Variants in PTPRD observed in about 807,000 individuals in gnomAD.
PTPRD encodes receptor-type tyrosine-protein phosphatase delta.
In PTPRD, 34 loss-of-function variants were observed where a neutral mutation model predicts 214.5. The observed-to-expected ratio is 0.16, with a 90% CI of 0.12 to 0.21. The LOEUF is 0.21. Among genes scored for constraint, PTPRD ranks in the 10% least tolerant of loss-of-function variants. The pLI is 1.00. For synonymous variants in PTPRD, 1,128 were observed against 845.7 expected (o/e 1.33, Z -5.79); for missense variants, 2,545 against 2,398.7 (o/e 1.06, Z -1.27).
chr9:9,745,769 T>A lies in PTPRD; in HGVS notation c.-325-11198A>T, dbSNP rs79924261. On this transcript the variant is annotated intron_variant, in intron 6 of 45. Transcript: ENST00000381196. ...CTGTACTCTAGCTACACAGGACATA[T>A]TTCAGTTTCTAAAGTGTGTTCCCTG... Among the ~76,000 whole-genome samples, 61 of 152,218 alleles carry A rather than the reference T, an allele frequency of 4.0e-4. No homozygotes were observed. In the East Asian group the frequency reaches 0.011, roughly 27 times the overall value.
At chr9:10,594,297 C>A (rs2076157904) in intron 2 of PTPRD, among the ~76,000 whole-genome samples, 1 of 151,880 alleles carries the variant, frequency 6.6e-6, no homozygotes, top group Admixed American at 6.6e-5. Flanking sequence ...TAAAACTGAA[C>A]TGTATAATGT....
intron 2 of PTPRD, among the ~76,000 whole-genome samples, chr9:10,426,356 G>A (rs552404025): frequency 1.8e-4 from 27 of 151,212 alleles, no homozygotes; most frequent in African/African-American, 5.1e-4. Context: ...TTTTTCTATC[G>A]GTTACTTTGC....
chr9:10,507,258 T>C (rs2046317008), intron 2 of PTPRD, among the ~76,000 whole-genome samples: 2 of 152,148 alleles, frequency 1.3e-5, no homozygotes, highest in South Asian at 4.2e-4. Context: ...AAGGACCTCT[T>C]CAATGATAAC....
At chr9:9,203,936 T>C (rs1212174220) in intron 9 of PTPRD, among the ~76,000 whole-genome samples, 1 of 152,176 alleles carries the variant, frequency 6.6e-6, no homozygotes, top group Non-Finnish European at 1.5e-5. Context: ...CTTTTTCTGC[T>C]CACTGTACTC....
At chr9:9,326,714 C>G (rs900210613) in intron 9 of PTPRD, among the ~76,000 whole-genome samples, 1 of 150,868 alleles carries the variant, frequency 6.6e-6, no homozygotes, top group Non-Finnish European at 1.5e-5. Flanking sequence ...AAATAAATGT[C>G]AGGGATTGAA....
intron 2 of PTPRD, among the ~76,000 whole-genome samples, chr9:10,402,314 T>C (rs1008639678): frequency 4.6e-5 from 7 of 151,728 alleles, no homozygotes; most frequent in Non-Finnish European, 8.9e-5. Flanking sequence ...TTCTATGAAC[T>C]CTCTGGGATT....
intron 3 of PTPRD, among the ~76,000 whole-genome samples, chr9:10,303,871 C>G (rs528263828): frequency 6.6e-6 from 1 of 152,140 alleles, no homozygotes; most frequent in East Asian, 1.9e-4. Context: ...TGAAACTATT[C>G]CAAGCAACAA....
intron 9 of PTPRD, among the ~76,000 whole-genome samples, chr9:9,328,022 C>A (rs2040713118): frequency 6.6e-6 from 1 of 151,972 alleles, no homozygotes; most frequent in Non-Finnish European, 1.5e-5. Context: ...ATGGACTGGA[C>A]AAGCTTGATG....
chr9:8,663,335 A>C (rs780073813), intron 12 of PTPRD, among the ~76,000 whole-genome samples: 1 of 151,024 alleles, frequency 6.6e-6, no homozygotes, highest in African/African-American at 2.4e-5. Context: ...ACAAGGAAAA[A>C]GCTACTATTA....
rs186183210 is a variant in PTPRD, at chr9:8,758,654, T to G, written c.-103-24708A>C. Among the ~76,000 whole-genome samples the G allele has an allele frequency of 2.6e-3, 389 of 152,298 alleles. 2 individuals are homozygous for G. The highest frequency in any genetic ancestry group is 8.3e-3 in the African/African-American group (347 of 41,576). Reference sequence around the variant, plus strand: ...GTTTTTTTAAAAAGAATTTCTGACTTAATTGTCAATATTTATGGAGCTCAT... The same window carrying G: ...GTTTTTTTAAAAAGAATTTCTGACTGAATTGTCAATATTTATGGAGCTCAT... On this transcript the variant is annotated intron_variant, in intron 11 of 45. Coordinates refer to ENST00000381196, the MANE Select transcript of PTPRD (RefSeq NM_002839.4).
chr9:9,182,073 T>C (rs746299819), intron 10 of PTPRD, among the ~76,000 whole-genome samples: 1 of 152,040 alleles, frequency 6.6e-6, no homozygotes, highest in Non-Finnish European at 1.5e-5. Flanking sequence ...AGAAAGCTTT[T>C]TGGGGAAGGT....
chr9:10,082,219 T>C (rs139396473), intron 3 of PTPRD, among the ~76,000 whole-genome samples: 167 of 152,204 alleles, frequency 1.1e-3, no homozygotes, highest in Non-Finnish European at 1.9e-3. Flanking sequence ...TAATAAACGT[T>C]AAAGGATGCA....
intron 11 of PTPRD, among the ~76,000 whole-genome samples, chr9:9,002,808 T>C (rs1012069330): frequency 2.6e-5 from 4 of 152,064 alleles, no homozygotes; most frequent in Non-Finnish European, 5.9e-5. Context: ...TCCAGGAGAT[T>C]GGAGCCCTGC....
Position 8,375,927 on chromosome 9 carries a change from G to A in PTPRD, c.4661+9C>T, listed in dbSNP as rs201775420. 31 of 1,605,408 alleles carry A rather than the reference G, an allele frequency of 1.9e-5. No individual in the cohort carries two copies. The highest frequency in any genetic ancestry group is 2.7e-5 in the African/African-American group (2 of 74,438). On this transcript the variant is annotated intron_variant, in intron 39 of 45. Transcript: ENST00000381196. ...GTTTCCTGACTGCAAGTGAACAAAC[G>A]CTTCTTACCTGCAGTGCACAACCAT...
intron 2 of PTPRD, among the ~76,000 whole-genome samples, chr9:10,562,445 C>A (rs780585454): frequency 1.3e-5 from 2 of 151,660 alleles, no homozygotes; most frequent in East Asian, 3.9e-4. Context: ...AAGGGAAGAG[C>A]AGCAATATAA....
intron 7 of PTPRD, among the ~76,000 whole-genome samples, chr9:9,595,487 T>C (rs976048467): frequency 1.0e-4 from 15 of 150,682 alleles, no homozygotes; most frequent in African/African-American, 1.7e-4. Flanking sequence ...TACACATGTA[T>C]GCATATGTAC....
intron 11 of PTPRD, among the ~76,000 whole-genome samples, chr9:8,928,621 G>C (rs558183324): frequency 2.2e-4 from 33 of 151,858 alleles, no homozygotes; most frequent in African/African-American, 7.7e-4. Flanking sequence ...AAGTCAGGTA[G>C]CATGATGCCT....
rs1389546806 is a variant in PTPRD at position 8,487,520 on chromosome 9, A to G, written c.2468-1171T>C. On this transcript the variant is annotated intron_variant, in intron 27 of 45. Transcript: ENST00000381196. ...GAGGTGGGAGGACTGCTTGAGCCCA[A>G]GAGTTCAAAACCAGCGGCTGGGTGT... is the stretch of plus-strand genomic sequence containing the variant. 2.6e-5 allele frequency among the ~76,000 whole-genome samples: 4 copies of G among 152,004 alleles called. No homozygotes were observed. In the South Asian group the frequency reaches 6.2e-4, roughly 24 times the overall value.
intron 7 of PTPRD, among the ~76,000 whole-genome samples, chr9:9,684,518 T>C (rs2097134170): frequency 6.6e-6 from 1 of 151,732 alleles, no homozygotes; most frequent in Admixed American, 6.6e-5. Flanking sequence ...CTACCTAAGA[T>C]AGTTGCTTAT....
Sources: gnomAD v4.1 joint callset for allele counts (sites outside exome capture counted in the v4.1 genomes callset) on GRCh38, gnomAD v4.1.1 for gene constraint, MANE v1.5 for transcripts, NCBI Gene and HGNC (gene_info 2026-07-23, HGNC 2026-07-21) for gene names.